Variants in ITGBL1 observed in about 807,000 individuals in gnomAD.
The protein encoded by ITGBL1 is integrin beta-like protein 1.
ITGBL1 carries 51 observed loss-of-function variants against 68.5 expected under a neutral mutation model. The observed-to-expected ratio is 0.74, with a 90% CI of 0.59 to 0.94. ITGBL1 has a LOEUF of 0.94. ITGBL1 is among the 40% of genes least tolerant of loss of function. The probability of loss-of-function intolerance (pLI) is 0.00; values close to 1 mark genes in which losing one functional copy is unlikely to be tolerated. For synonymous variants in ITGBL1, 209 were observed against 227.3 expected (o/e 0.92, Z 0.72); for missense variants, 649 against 647.4 (o/e 1.00, Z -0.03).
Position 101,671,429 on chromosome 13 carries a change from TTTTTTTTGTTTTTTTTTG to T in ITGBL1, c.1016-21148_1016-21131del, listed in dbSNP as rs2033360537. 2.8e-5 allele frequency among the ~76,000 whole-genome samples: 2 copies of T among 70,534 alleles called. 1 individual carries two copies. Among genetic ancestry groups the T allele is most frequent in the African/African-American group, 8.9e-5 (2 of 22,540 alleles). The allele number at this position is 70,534 out of a possible 152,430, so 46.3% of individuals were successfully genotyped here. A position where few individuals can be genotyped will look rare whatever the true frequency, so the allele number is the denominator to read the frequency against. On this transcript the variant is annotated intron_variant, in intron 7 of 10. Transcript: ENST00000376180. ...TATTTGACAAAAGTATACCTTTGTTTTTTTTTTGTTTTTTTTTGTTTTTTTTTGAGACGGAGTCTCGCT... is the reference window on the plus strand; with the variant it reads ...TATTTGACAAAAGTATACCTTTGTTTTTTTTTTTTGAGACGGAGTCTCGCT...
chr13:101,540,932 T>C lies in ITGBL1; in HGVS notation c.317-26767T>C, dbSNP rs1179761076. ...ATCCTGAGACTTTGCTGAAGTTGCCTATCAGCTTAAGGAGATTTTGGGTTG... is the reference window on the plus strand; with the variant it reads ...ATCCTGAGACTTTGCTGAAGTTGCCCATCAGCTTAAGGAGATTTTGGGTTG... On this transcript the variant is annotated intron_variant, in intron 2 of 10. Coordinates refer to ENST00000376180, the MANE Select transcript of ITGBL1 (RefSeq NM_004791.3). Among the ~76,000 whole-genome samples the C allele has an allele frequency of 6.1e-5, 8 of 132,014 alleles. 1 individual carries two copies. In the East Asian group the frequency reaches 1.8e-3, roughly 30 times the overall value. The allele number at this position is 132,014 out of a possible 152,430, so 86.6% of individuals were successfully genotyped here. A position where few individuals can be genotyped will look rare whatever the true frequency, so the allele number is the denominator to read the frequency against.
chr13:101,514,879 TG>T (rs1180394476), intron 2 of ITGBL1, among the ~76,000 whole-genome samples: 1 of 152,104 alleles, frequency 6.6e-6, no homozygotes, highest in African/African-American at 2.4e-5. Context: ...GAATTTGGGT[TG>T]TACTAATAAG....
At chr13:101,479,552 C>G (rs1256693892) in intron 2 of ITGBL1, among the ~76,000 whole-genome samples, 1 of 151,792 alleles carries the variant, frequency 6.6e-6, no homozygotes, top group African/African-American at 2.4e-5. Flanking sequence ...TATTTGCAAA[C>G]TATTCATTTG....
intron 2 of ITGBL1, among the ~76,000 whole-genome samples, chr13:101,521,654 T>C (rs2049286953): frequency 6.6e-6 from 1 of 152,064 alleles, no homozygotes; most frequent in Admixed American, 6.6e-5. Flanking sequence ...AGAGGATTGC[T>C]TCTCCATCCT....
At chr13:101,481,906 G>A (rs965004397) in intron 2 of ITGBL1, among the ~76,000 whole-genome samples, 5 of 151,936 alleles carry the variant, frequency 3.3e-5, no homozygotes, top group Non-Finnish European at 7.4e-5. Context: ...ATCCATCACC[G>A]CAAATATTTA....
chr13:101,636,740 A>T (rs3783216), intron 7 of ITGBL1, among the ~76,000 whole-genome samples: 21,786 of 151,996 alleles, frequency 0.14, 1,906 homozygotes, highest in South Asian at 0.21. Context: ...TGTGTAATAC[A>T]CTGGTCCTGG....
At chr13:101,692,909 C>T (rs138747181) in intron 8 of ITGBL1, 107 of 520,124 alleles carry the variant, frequency 2.1e-4, no homozygotes, top group East Asian at 1.0e-3. Context: ...TGTGAAAGTA[C>T]GCAGTACACT....
chr13:101,616,045 A>G (rs2031348529), intron 7 of ITGBL1, among the ~76,000 whole-genome samples: 2 of 152,320 alleles, frequency 1.3e-5, no homozygotes, highest in Non-Finnish European at 2.9e-5. Context: ...GACTAAGACA[A>G]GTATCAAAGT....
intron 7 of ITGBL1, among the ~76,000 whole-genome samples, chr13:101,652,097 T>G (rs1019946584): frequency 2.0e-5 from 3 of 150,684 alleles, no homozygotes; most frequent in African/African-American, 7.3e-5. Context: ...AATTATTTAT[T>G]TATTTATTTA....
intron 7 of ITGBL1, among the ~76,000 whole-genome samples, chr13:101,664,141 G>A (rs754244712): frequency 1.5e-4 from 23 of 152,132 alleles, no homozygotes; most frequent in Non-Finnish European, 2.9e-4. Context: ...AAATACAAAG[G>A]CTCTGAAAAT....
chr13:101,470,423 G>GGCCA (rs1057357385), intron 2 of ITGBL1, among the ~76,000 whole-genome samples: 3 of 151,634 alleles, frequency 2.0e-5, no homozygotes, highest in Admixed American at 6.6e-5. Context: ...TCCACCTCCT[G>GGCCA]GGTTCCAGTG....
At chr13:101,485,792 A>G (rs2048694456) in intron 2 of ITGBL1, among the ~76,000 whole-genome samples, 1 of 141,186 alleles carries the variant, frequency 7.1e-6, no homozygotes, top group African/African-American at 2.7e-5. Context: ...ACTCTGTCTC[A>G]GAACAAAACA....
chr13:101,609,673 A>T (rs1247991840), intron 7 of ITGBL1, among the ~76,000 whole-genome samples: 12 of 152,278 alleles, frequency 7.9e-5, no homozygotes, highest in Non-Finnish European at 1.5e-4. Context: ...GAGAGAAAAG[A>T]AGAATCCAGA....
intron 2 of ITGBL1, among the ~76,000 whole-genome samples, chr13:101,507,768 A>G (rs1336609685): frequency 1.3e-5 from 2 of 152,204 alleles, no homozygotes; most frequent in Non-Finnish European, 2.9e-5. Context: ...ATGAGGTCAC[A>G]GAGCCATTGG....
rs1225076237 is a variant in ITGBL1, at chr13:101,518,702, A to AC, written c.317-48996dup. The stretch of plus-strand genomic sequence containing the variant: ...CCTTGAGAAAATGTAATTCTGCCAT[A>AC]CAAAGTCTAATTCAAATATAATGGC... On this transcript the variant is annotated intron_variant, in intron 2 of 10. Coordinates refer to ENST00000376180, the MANE Select transcript of ITGBL1 (RefSeq NM_004791.3). Among the ~76,000 whole-genome samples the AC allele has an allele frequency of 7.9e-5, 12 of 152,342 alleles. 1 individual carries two copies. Among genetic ancestry groups the AC allele is most frequent in the African/African-American group, 2.9e-4 (12 of 41,580 alleles).
At chr13:101,514,208 T>C (rs2139118410) in intron 2 of ITGBL1, among the ~76,000 whole-genome samples, 1 of 152,194 alleles carries the variant, frequency 6.6e-6, no homozygotes, top group Non-Finnish European at 1.5e-5. Context: ...TTGGCTGGTG[T>C]ATGCTAATTT....
At chr13:101,661,143 C>T (rs944599671) in intron 7 of ITGBL1, among the ~76,000 whole-genome samples, 8 of 149,502 alleles carry the variant, frequency 5.4e-5, no homozygotes, top group African/African-American at 2.0e-4. Context: ...AAAAAAATGG[C>T]AAGGTGGGTA....
At chr13:101,529,614 T>A (rs1197071391) in intron 2 of ITGBL1, among the ~76,000 whole-genome samples, 1 of 152,124 alleles carries the variant, frequency 6.6e-6, no homozygotes, top group East Asian at 1.9e-4. Flanking sequence ...TGAATTGTAA[T>A]CCCCACGTGT....
intron 7 of ITGBL1, among the ~76,000 whole-genome samples, chr13:101,650,246 T>C (rs1299952441): frequency 6.6e-6 from 1 of 152,224 alleles, no homozygotes; most frequent in Non-Finnish European, 1.5e-5. Flanking sequence ...TTAGAAGCTG[T>C]ACTTTACTTT....
Sources: gnomAD v4.1 joint callset for allele counts (sites outside exome capture counted in the v4.1 genomes callset) on GRCh38, gnomAD v4.1.1 for gene constraint, MANE v1.5 for transcripts, NCBI Gene and HGNC (gene_info 2026-07-23, HGNC 2026-07-21) for gene names.